The following DNAH14 variants were observed in gnomAD, a reference collection of about 807,000 sequenced individuals.
DNAH14 encodes the protein axonemal beta dynein heavy chain 14.
Under a neutral mutation model 520.9 loss-of-function variants are expected in DNAH14, and 478 were observed. The observed-to-expected ratio is 0.92, with a 90% CI of 0.85 to 0.99. The LOEUF is 0.99. Ranked by LOEUF, DNAH14 falls within the 50% of genes least tolerant of loss-of-function variation. The probability of loss-of-function intolerance (pLI) is 0.00; values close to 1 mark genes in which losing one functional copy is unlikely to be tolerated. For missense variants in DNAH14, 4,831 were observed against 5,234.5 expected (o/e 0.92, Z 2.38); for synonymous variants, 1,581 against 1,757.2 (o/e 0.90, Z 2.51).
intron 69 of DNAH14, among the ~76,000 whole-genome samples, chr1:225,343,479 G>A (rs1427740648): frequency 6.6e-6 from 1 of 152,028 alleles, no homozygotes; most frequent in Non-Finnish European, 1.5e-5. Flanking sequence ...CCATTGTCTT[G>A]ACCCAATTCC....
chr1:225,093,291 A>T (rs990207406), intron 21 of DNAH14, among the ~76,000 whole-genome samples: 1 of 152,186 alleles, frequency 6.6e-6, no homozygotes, highest in African/African-American at 2.4e-5. Flanking sequence ...CACTCTGATG[A>T]AGCAGACTTT....
intron 11 of DNAH14, among the ~76,000 whole-genome samples, chr1:225,028,672 A>G (rs2066312520): frequency 6.6e-6 from 1 of 152,126 alleles, no homozygotes; most frequent in African/African-American, 2.4e-5. Flanking sequence ...ATCAAAGAAG[A>G]AACAGATTGC....
intron 1 of DNAH14, among the ~76,000 whole-genome samples, chr1:224,936,649 A>G (rs898001508): frequency 2.6e-5 from 4 of 151,942 alleles, no homozygotes; most frequent in African/African-American, 9.7e-5. Flanking sequence ...TTTAAAGAAT[A>G]ACTAATACTA....
intron 37 of DNAH14, among the ~76,000 whole-genome samples, chr1:225,188,930 G>T (rs777765196): frequency 6.6e-6 from 1 of 151,610 alleles, no homozygotes; most frequent in East Asian, 1.9e-4. Flanking sequence ...TTTATTCTTT[G>T]GAATCCTTGT....
chr1:225,203,160 T>C (rs1183983773), intron 38 of DNAH14, among the ~76,000 whole-genome samples: 1 of 152,210 alleles, frequency 6.6e-6, no homozygotes, highest in African/African-American at 2.4e-5. Context: ...AAGTTCATGA[T>C]GTGAGCCTCC....
intron 60 of DNAH14, among the ~76,000 whole-genome samples, chr1:225,313,301 C>T (rs540894648): frequency 5.3e-5 from 8 of 152,236 alleles, no homozygotes; most frequent in Admixed American, 5.2e-4. Context: ...TCCCCTTTAT[C>T]ATTTTTTATT....
chr1:225,289,913 CAT>C lies in DNAH14; in HGVS notation c.8301_8302del (p.Ala2769AsnfsTer9). ...GGAATAGATGGATGTGGGAAAAAAA[CAT>C]GTGCAACCTTGGCCTGTTATTTGAC... On this transcript the variant is annotated frameshift_variant, in exon 55 of 86. Transcript: ENST00000682510. LOFTEE classifies it high-confidence loss of function. 1 of 1,447,852 alleles carries C rather than the reference CAT, an allele frequency of 6.9e-7. No individual in the cohort carries two copies. The highest frequency in any genetic ancestry group is 9.2e-7 in the Non-Finnish European group (1 of 1,091,848). The allele number at this position is 1,447,852 out of a possible 1,614,324, so 89.7% of individuals were successfully genotyped here. A position where few individuals can be genotyped will look rare whatever the true frequency, so the allele number is the denominator to read the frequency against.
At chr1:225,297,340 A>AT (rs35923591) in intron 55 of DNAH14, among the ~76,000 whole-genome samples, 7 of 150,464 alleles carry the variant, frequency 4.7e-5, no homozygotes, top group East Asian at 2.0e-4. Flanking sequence ...ATTCTTTTAC[A>AT]TTTTTTTTCT....
intron 76 of DNAH14, 55 bp from the exon 77 acceptor site, chr1:225,367,750 A>G: frequency 2.4e-6 from 3 of 1,259,292 alleles, no homozygotes; most frequent in Non-Finnish European, 3.4e-6. Flanking sequence ...AGTGCCCTGA[A>G]GACCAGTGCC....
At chr1:224,974,312 A>G (rs188863353) in intron 8 of DNAH14, among the ~76,000 whole-genome samples, 159 bp downstream of exon 8, 1 of 152,280 alleles carries the variant, frequency 6.6e-6, no homozygotes, top group East Asian at 1.9e-4. Context: ...TTAAAAGACT[A>G]TTAAACACTG....
intron 71 of DNAH14, among the ~76,000 whole-genome samples, chr1:225,349,776 C>A (rs1369992439): frequency 1.3e-5 from 2 of 152,050 alleles, no homozygotes; most frequent in African/African-American, 2.4e-5. Flanking sequence ...ATTCACTAAA[C>A]CTCAGAGCTC....
At chr1:225,302,062 A>G (rs1574628014) in intron 56 of DNAH14, among the ~76,000 whole-genome samples, 1 of 148,802 alleles carries the variant, frequency 6.7e-6, no homozygotes, top group East Asian at 1.9e-4. Context: ...ATAAACCAAG[A>G]ATCTCAGTTA....
At chr1:225,059,387 T>C (rs2069657723) in intron 17 of DNAH14, among the ~76,000 whole-genome samples, 1 of 152,202 alleles carries the variant, frequency 6.6e-6, no homozygotes, top group Non-Finnish European at 1.5e-5. Context: ...TGGTAGATCT[T>C]CCTCCATCCC....
At chr1:225,095,903 A>C (rs1406647462) in intron 21 of DNAH14, among the ~76,000 whole-genome samples, 1 of 152,184 alleles carries the variant, frequency 6.6e-6, no homozygotes, top group Non-Finnish European at 1.5e-5. Flanking sequence ...TATGTTTGTT[A>C]TCTTGATTGT....
At chr1:225,061,059 A>C (rs548646885) in intron 17 of DNAH14, among the ~76,000 whole-genome samples, 1 of 152,218 alleles carries the variant, frequency 6.6e-6, no homozygotes, top group South Asian at 2.1e-4. Context: ...GGGACATTTA[A>C]GTCTGCAGAG....
chr1:225,053,537 A>G (rs546807548), intron 17 of DNAH14, among the ~76,000 whole-genome samples: 2 of 152,294 alleles, frequency 1.3e-5, no homozygotes, highest in African/African-American at 4.8e-5. Context: ...GAAGTCGGGT[A>G]AAACAGGAGG....
At chr1:224,972,939 A>G (rs915037092) in intron 7 of DNAH14, among the ~76,000 whole-genome samples, 1 of 152,094 alleles carries the variant, frequency 6.6e-6, no homozygotes, top group Non-Finnish European at 1.5e-5. Flanking sequence ...CTTTTCTGGT[A>G]TATTAGTTTT....
At chr1:225,150,348 A>G (rs1244420807) in intron 31 of DNAH14, among the ~76,000 whole-genome samples, 1 of 152,068 alleles carries the variant, frequency 6.6e-6, no homozygotes, top group Non-Finnish European at 1.5e-5. Context: ...TATTGGCCTG[A>G]AGTTTCTTCT....
At position 225,024,045 on chromosome 1, in the gene DNAH14, C is replaced by T. The variant is rs555986081; in HGVS notation, c.1358+180C>T. 58 of 1,313,506 alleles carry T rather than the reference C, an allele frequency of 4.4e-5. No individual in the cohort carries two copies. The East Asian group carries it at 1.0e-3, about 23-fold the overall frequency. 81.4% of individuals were successfully genotyped at this position (1,313,506 alleles called of 1,614,324 possible). The stretch of plus-strand genomic sequence containing the variant: ...TATTTGGTAATACCTTACTTAATAT[C>T]GGTGCTATAGGATGCGCAGTAAAAT... On this transcript the variant is annotated intron_variant, in intron 11 of 85. Transcript: ENST00000682510.
Sources: allele counts gnomAD v4.1 joint callset (sites outside exome capture counted in the v4.1 genomes callset), GRCh38; gene constraint gnomAD v4.1.1; transcripts MANE v1.5; gene names NCBI Gene and HGNC (gene_info 2026-07-23, HGNC 2026-07-21).